The following BRD3 variants were observed in gnomAD, a reference collection of about 807,000 sequenced individuals.
BRD3 encodes the protein bromodomain containing 3, also known as bromodomain-containing protein 3.
In BRD3, 17 loss-of-function variants were observed where a neutral mutation model predicts 66.8. That is an observed-to-expected ratio of 0.25 (90% CI 0.17 to 0.38). The LOEUF (loss-of-function observed/expected upper bound fraction) is 0.38. BRD3 is among the 10% of genes least tolerant of loss of function. The probability of loss-of-function intolerance (pLI) is 1.00; values close to 1 mark genes in which losing one functional copy is unlikely to be tolerated. For synonymous variants in BRD3, 421 were observed against 393.2 expected (o/e 1.07, Z -0.84); for missense variants, 713 against 956.1 (o/e 0.75, Z 3.35).
At chr9:134,051,487 G>A (rs897885255) in intron 4 of BRD3, 75 bp downstream of exon 4, 140 of 1,394,032 alleles carry the variant, frequency 1.0e-4, no homozygotes, top group Middle Eastern at 2.6e-4. Context: ...ATGGCTAAAG[G>A]ATCGCGTCCC....
At chr9:134,047,609 G>A (rs1008962769) in intron 6 of BRD3, among the ~76,000 whole-genome samples, 2 of 152,204 alleles carry the variant, frequency 1.3e-5, no homozygotes, top group Non-Finnish European at 2.9e-5. Flanking sequence ...CCCAGGTCCC[G>A]CTTCCGTCTT....
chr9:134,067,113 T>C (rs573504199), intron 1 of BRD3, among the ~76,000 whole-genome samples: 33 of 152,336 alleles, frequency 2.2e-4, no homozygotes, highest in African/African-American at 7.7e-4. Flanking sequence ...GATGGGCTTG[T>C]ATCACGTTGT....
chr9:134,036,127 A>G lies in BRD3; in HGVS notation c.1841T>C (p.Ile614Thr). Reference sequence around the variant, plus strand: ...TTTCAGAGTCTCAAAGTCAATTTCTATCTCGTCGGGGTTGGAGTCCCTGAG... The same window carrying G: ...TTTCAGAGTCTCAAAGTCAATTTCTGTCTCGTCGGGGTTGGAGTCCCTGAG... ...PSLRDSNPDE[I>T]EIDFETLKPT... Residue 614 changes from isoleucine to threonine, a missense_variant, in exon 10 of 12, where the codon ATA (isoleucine) becomes ACA (threonine). This residue lies in a region of BRD3 where 418 missense variants were observed against 609.3 expected (regional missense o/e 0.69). Transcript: ENST00000303407. 6.2e-7 allele frequency: 1 copy of G among 1,614,186 alleles called. No homozygotes were observed. The highest frequency in any genetic ancestry group is 8.5e-7 in the Non-Finnish European group (1 of 1,180,036).
Position 134,064,785 on chromosome 9 carries a change from A to T in BRD3, c.-114+3160T>A, listed in dbSNP as rs532138483. ...GGAACCAGAGCAGGGAGGCCCGGGCACAGGGGCCCATGATGTCTGTGCCCA... is the reference window on the plus strand; with the variant it reads ...GGAACCAGAGCAGGGAGGCCCGGGCTCAGGGGCCCATGATGTCTGTGCCCA... On this transcript the variant is annotated intron_variant, in intron 1 of 11. Coordinates refer to ENST00000303407, the MANE Select transcript of BRD3 (RefSeq NM_007371.4). Among the ~76,000 whole-genome samples the T allele has an allele frequency of 2.0e-5, 3 of 152,356 alleles. No individual in the cohort carries two copies. In the East Asian group the frequency reaches 5.8e-4, roughly 29 times the overall value.
In BRD3 at chr9:134,062,551, T is replaced by C. The variant is rs139970474; in HGVS notation, c.-114+5394A>G. On this transcript the variant is annotated intron_variant, in intron 1 of 11. Transcript: ENST00000303407. ...CGGCCTCTCTGAAGGTTTCCCTTCC[T>C]GCCATGACGCCCCCACAGCCTTCTG... Among the ~76,000 whole-genome samples the C allele has an allele frequency of 3.4e-4, 52 of 152,184 alleles. 1 individual carries two copies. Among genetic ancestry groups the C allele is most frequent in the African/African-American group, 1.2e-3 (51 of 41,534 alleles).
rs772859912 is a variant in BRD3 at position 134,033,620 on chromosome 9, C to T, written c.2151G>A (p.Gly717=). The change falls in exon 12 of 12, where the codon GGG becomes GGA. Residue 717 remains glycine, a synonymous_variant. Coordinates refer to ENST00000303407, the MANE Select transcript of BRD3 (RefSeq NM_007371.4). The surrounding 1 kb of genome is among the most constrained non-coding windows in gnomAD (Gnocchi z 5.1). ...CTGAGTCACTGCTGTCAGAGCTGGA[C>T]CCGCTGGAGCTGCTGCTCCCAGACT... ...SSESGSSSSS[G]SSSDSSDSE 2.6e-6 allele frequency: 2 copies of T among 770,808 alleles called. No homozygotes were observed. Among genetic ancestry groups the T allele is most frequent in the Non-Finnish European group, 4.8e-6 (2 of 413,226 alleles). The allele number at this position is 770,808 out of a possible 1,614,324, so 47.7% of individuals were successfully genotyped here.
chr9:134,058,527 C>G (rs1830472438), intron 1 of BRD3: 1 of 152,334 alleles, frequency 6.6e-6, no homozygotes, highest in Admixed American at 6.5e-5. Context: ...CCCTGTCCCC[C>G]CCAGGCCAGA....
intron 7 of BRD3, among the ~76,000 whole-genome samples, chr9:134,044,707 CCACA>C (rs149512400): frequency 2.0e-5 from 3 of 151,834 alleles, no homozygotes; most frequent in African/African-American, 2.4e-5. Flanking sequence ...GCACACACGT[CCACA>C]CACACACACA....
At chr9:134,062,243 C>A (rs1366332274) in intron 1 of BRD3, among the ~76,000 whole-genome samples, 1 of 152,164 alleles carries the variant, frequency 6.6e-6, no homozygotes, top group Non-Finnish European at 1.5e-5. Context: ...GCACAGCGCA[C>A]CTGCTCTCCT....
chr9:134,045,760 G>T lies in BRD3; in HGVS notation c.1087-339C>A, dbSNP rs1024682982. 6.6e-6 allele frequency among the ~76,000 whole-genome samples: 1 copy of T among 152,194 alleles called. No homozygotes were observed. The highest frequency in any genetic ancestry group is 1.5e-5 in the Non-Finnish European group (1 of 68,028). ...TCCAGAGCTTCCCTTCACACAAAGCGGGTAAATCTTCACACGCCGCCACGC... is the reference window on the plus strand; with the variant it reads ...TCCAGAGCTTCCCTTCACACAAAGCTGGTAAATCTTCACACGCCGCCACGC... On this transcript the variant is annotated intron_variant, in intron 6 of 11. Coordinates refer to ENST00000303407, the MANE Select transcript of BRD3 (RefSeq NM_007371.4). This position sits in a 1 kb window ranked among gnomAD's most constrained non-coding sequence, Gnocchi z 4.8.
intron 7 of BRD3, among the ~76,000 whole-genome samples, chr9:134,042,323 A>G (rs1171630975): frequency 1.3e-5 from 2 of 152,196 alleles, no homozygotes; most frequent in Non-Finnish European, 2.9e-5. Context: ...GAGCTTGGAC[A>G]GGGTCCTCCA....
intron 4 of BRD3, 116 bp downstream of exon 4, chr9:134,051,446 A>T: frequency 1.8e-6 from 2 of 1,142,536 alleles, no homozygotes; most frequent in Non-Finnish European, 2.3e-6. Context: ...GGCACCCACG[A>T]GCTCGTCACG....
Position 134,033,896 on chromosome 9 carries a change from GA to G in BRD3, c.2066-192del, listed in dbSNP as rs1244090178. 6.6e-6 allele frequency among the ~76,000 whole-genome samples: 1 copy of G among 152,142 alleles called. No homozygotes were observed. Among genetic ancestry groups the G allele is most frequent in the Admixed American group, 6.5e-5 (1 of 15,282 alleles). On this transcript the variant is annotated intron_variant, in intron 11 of 11. Coordinates refer to ENST00000303407, the MANE Select transcript of BRD3 (RefSeq NM_007371.4). The surrounding 1 kb of genome is among the most constrained non-coding windows in gnomAD (Gnocchi z 5.1). The stretch of plus-strand genomic sequence containing the variant: ...GACTATCTGAATATACTTGAGACAG[GA>G]AAAAAATGAATGCAGACTACTAACA...
rs775220106 is a variant in BRD3, at chr9:134,051,538, C to T, written c.499+24G>A. 2.0e-5 allele frequency: 30 copies of T among 1,510,930 alleles called. No homozygotes were observed. The East Asian group carries it at 2.3e-4, about 11-fold the overall frequency. The allele number at this position is 1,510,930 out of a possible 1,614,324, so 93.6% of individuals were successfully genotyped here. A position where few individuals can be genotyped will look rare whatever the true frequency, so the allele number is the denominator to read the frequency against. On this transcript the variant is annotated intron_variant, in intron 4 of 11. Transcript: ENST00000303407. ...GGGCCTCTGCAGAGAGGCCCAGCCC[C>T]TCGCCTGCCCCAGCTCCCTTTACCT...
intron 1 of BRD3, among the ~76,000 whole-genome samples, chr9:134,055,226 A>C (rs1206743868): frequency 2.0e-5 from 3 of 152,174 alleles, no homozygotes; most frequent in Non-Finnish European, 2.9e-5. Context: ...CCTAGCCCGC[A>C]CCGCAGGGTG....
chr9:134,052,577 G>T, intron 2 of BRD3, 134 bp from the exon 3 acceptor site: 1 of 965,944 alleles, frequency 1.0e-6, no homozygotes, highest in Non-Finnish European at 1.5e-6. Flanking sequence ...TCTGGTCTCT[G>T]AAGGCAGTGG....
intron 9 of BRD3, among the ~76,000 whole-genome samples, chr9:134,038,440 A>G (rs919726095): frequency 6.6e-6 from 1 of 152,042 alleles, no homozygotes; most frequent in African/African-American, 2.4e-5. Context: ...AATCACTCAA[A>G]TATTATATCC....
At chr9:134,061,966 G>T (rs10993905) in intron 1 of BRD3, among the ~76,000 whole-genome samples, 53,689 of 151,992 alleles carry the variant, frequency 0.35, 9,969 homozygotes, top group Middle Eastern at 0.53. Context: ...CGGCCAGAGG[G>T]GCCTCCCCAG....
intron 3 of BRD3, 136 bp from the exon 4 acceptor site, chr9:134,051,845 ATATGTGTG>A (rs1830303762): frequency 1.4e-6 from 1 of 725,508 alleles, no homozygotes; most frequent in Non-Finnish European, 2.1e-6. Flanking sequence ...CAAAATGAAT[ATATGTGTG>A]TGTGTGTGTG....
Sources: gnomAD v4.1 joint callset for allele counts (sites outside exome capture counted in the v4.1 genomes callset) on GRCh38, gnomAD v4.1.1 for gene constraint, gnomAD v4.1.1 regional missense constraint, Gnocchi (gnomAD v3.1) non-coding constraint, MANE v1.5 for transcripts, NCBI Gene and HGNC (gene_info 2026-07-23, HGNC 2026-07-21) for gene names.